RTL5: variants seen among roughly 807,000 people sequenced by gnomAD.
RTL5 encodes retrotransposon Gag-like protein 5.
In RTL5, 8 loss-of-function variants were observed where a neutral mutation model predicts 7.7. The ratio of observed to expected loss-of-function variants is 1.04; its 90% CI spans 0.61 to 1.88. The LOEUF is 1.88. RTL5 is among the 40% of genes most tolerant of loss of function. RTL5 has a pLI of 0.00. For synonymous variants in RTL5, 188 were observed against 191.8 expected (o/e 0.98, Z 0.16); for missense variants, 457 against 472.7 (o/e 0.97, Z 0.31).
rs759639786 is a variant in RTL5, at chrX:72,130,913, C to T, written c.628G>A (p.Gly210Arg). The change falls in exon 1 of 1, where the codon GGA (glycine) becomes AGA (arginine). Residue 210 changes from glycine (G) to arginine (R), a missense_variant. Physicochemically the swap from Gly to Arg is moderately radical, Grantham distance 125. Coordinates refer to ENST00000609883, the Ensembl canonical transcript of RTL5. ...GGGAAGTTGGCATGCAAGGGGCTTC[C>T]TTCCTGGGTGACCGAGATGGCCCAG... 142 of 1,210,352 alleles carry T rather than the reference C, an allele frequency of 1.2e-4. 1 individual carries two copies. The South Asian group carries it at 2.5e-3, about 21-fold the overall frequency.
Position 72,130,739 on chromosome X carries a change from C to T in RTL5, c.802G>A (p.Asp268Asn), listed in dbSNP as rs770340206. ...AATTGGTTTTGGAGGCGGCAGTCAT[C>T]CCAAGACAAGAATTGGGCCAGGAAC... The change falls in exon 1 of 1, where the codon GAT becomes AAT. Residue 268 changes from aspartate (D) to asparagine (N), a missense_variant. Physicochemically the swap from Asp to Asn is conservative, Grantham distance 23 (BLOSUM62 1). Transcript: ENST00000609883. 19 of 1,210,289 alleles carry T rather than the reference C, an allele frequency of 1.6e-5. No homozygotes were observed. In the African/African-American group the frequency reaches 3.1e-4, roughly 20 times the overall value.
exon 1 of RTL5, chrX:72,128,682 C>T (rs770832060): frequency 4.4e-5 from 5 of 112,814 alleles, no homozygotes; most frequent in African/African-American, 1.6e-4. Context: ...GTGCAGCCTT[C>T]CTCTCTCCTC....
At chrX:72,129,941 G>C in exon 1 of RTL5, 1 of 1,211,318 alleles carries the variant, frequency 8.3e-7, no homozygotes. Flanking sequence ...CGACCTGTGC[G>C]GCGAATCAGT....
chrX:72,131,850 CCGGGCGGG>C (rs1182989464), upstream of RTL5: 7 of 257,497 alleles, frequency 2.7e-5, no homozygotes, highest in African/African-American at 2.1e-4. Context: ...GACCGCGCGA[CCGGGCGGG>C]CGGGCGGGCA....
exon 1 of RTL5, chrX:72,130,158 A>G: frequency 1.7e-6 from 2 of 1,210,339 alleles, no homozygotes; most frequent in Non-Finnish European, 2.2e-6. Flanking sequence ...CTAGGTCATC[A>G]TCTTGGGCCT....
exon 1 of RTL5, chrX:72,130,257 C>T: frequency 8.3e-7 from 1 of 1,207,578 alleles, no homozygotes; most frequent in Non-Finnish European, 1.1e-6. Context: ...GGCCCCCATC[C>T]TCATCTTCAT....
chrX:72,129,655 G>T (rs1008568955), exon 1 of RTL5: 1 of 478,581 alleles, frequency 2.1e-6, no homozygotes, highest in Non-Finnish European at 3.4e-6. Flanking sequence ...TTGGGCACAC[G>T]TCGCTCTCTG....
At chrX:72,130,122 G>A (rs1225198401) in exon 1 of RTL5, 2 of 1,211,001 alleles carry the variant, frequency 1.7e-6, no homozygotes, top group South Asian at 1.8e-5. Context: ...CGTGAACAAA[G>A]GTCGGCTCCA....
chrX:72,127,532 C>T (rs1394655959), downstream of RTL5: 1 of 111,189 alleles, frequency 9.0e-6, no homozygotes, highest in Non-Finnish European at 1.9e-5. Context: ...TGAAGGGTCC[C>T]TGGAAGTGTG....
chrX:72,129,581 A>G (rs1280010271), exon 1 of RTL5: 13 of 375,620 alleles, frequency 3.5e-5, no homozygotes, highest in African/African-American at 2.8e-4. Flanking sequence ...TCGTGGCCGG[A>G]CTGAGCAGAG....
exon 1 of RTL5, chrX:72,131,110 G>A (rs1343973279): frequency 1.7e-6 from 2 of 1,202,456 alleles, no homozygotes; most frequent in Non-Finnish European, 2.2e-6. Context: ...CGGTGCCAGA[G>A]GGGGTTGCGG....
chrX:72,131,358 C>A (rs1416935812), exon 1 of RTL5: 1 of 1,208,542 alleles, frequency 8.3e-7, no homozygotes, highest in African/African-American at 1.7e-5. Flanking sequence ...CAAGGACGGG[C>A]ACTATGGGTA....
chrX:72,130,634 C>G (rs1396025342), exon 1 of RTL5: 24 of 1,209,956 alleles, frequency 2.0e-5, no homozygotes, highest in Non-Finnish European at 2.7e-5. Flanking sequence ...TCCACACATT[C>G]GAGAATCAGC....
At chrX:72,129,746 G>T in exon 1 of RTL5, 1 of 941,143 alleles carries the variant, frequency 1.1e-6, no homozygotes, top group Non-Finnish European at 1.5e-6. Flanking sequence ...GTCCTGGTCA[G>T]CAAATGGGGC....
exon 1 of RTL5, chrX:72,129,865 C>A: frequency 8.3e-7 from 1 of 1,201,635 alleles, no homozygotes; most frequent in South Asian, 1.8e-5. Flanking sequence ...AGCTCGGTGG[C>A]CCCCCTGTCT....
At chrX:72,129,686 TG>T in exon 1 of RTL5, 1 of 594,294 alleles carries the variant, frequency 1.7e-6, no homozygotes, top group Non-Finnish European at 2.6e-6. Context: ...CAAGATGGTC[TG>T]GAATTCTGCA....
Position 72,131,684 on chromosome X carries a change from C to T in RTL5, c.-144G>A. 1.9e-6 allele frequency: 1 copy of T among 522,265 alleles called. No individual in the cohort carries two copies. Among genetic ancestry groups the T allele is most frequent in the Middle Eastern group, 6.5e-4 (1 of 1,548 alleles). The allele number at this position is 522,265 out of a possible 1,213,427, so 43.0% of individuals were successfully genotyped here. ...GGGGCACGGGCCAGGCCGGGCCACA[C>T]CCACCGGGGCGAGCTCGGAGGGCGG... On this transcript the variant is annotated 5_prime_UTR_variant, in exon 1 of 1. The change creates a new upstream start codon in the 5' untranslated region. Transcript: ENST00000609883.
exon 1 of RTL5, chrX:72,131,365 G>C (rs2042297531): frequency 3.3e-6 from 4 of 1,209,588 alleles, no homozygotes; most frequent in Non-Finnish European, 4.5e-6. Flanking sequence ...GGGCACTATG[G>C]GTACTGGCCA....
At chrX:72,131,346 C>T (rs773275148) in exon 1 of RTL5, 3 of 1,205,846 alleles carry the variant, frequency 2.5e-6, no homozygotes, top group East Asian at 5.9e-5. Context: ...AGTTCTCCTC[C>T]GCAAGGACGG....
Sources: gnomAD v4.1 joint callset for allele counts on GRCh38, gnomAD v4.1.1 for gene constraint, MANE v1.5 for transcripts, NCBI Gene and HGNC (gene_info 2026-07-23, HGNC 2026-07-21) for gene names.